Variants in CIT observed in about 807,000 individuals in gnomAD.
CIT encodes the protein citron rho-interacting serine/threonine kinase.
In CIT, 79 loss-of-function variants were observed where a neutral mutation model predicts 272.7. The observed-to-expected ratio is 0.29, with a 90% CI of 0.24 to 0.35. The LOEUF is 0.35. Among genes scored for constraint, CIT ranks in the 10% least tolerant of loss-of-function variants. CIT has a pLI of 1.00. For synonymous variants in CIT, 948 were observed against 995.6 expected, an observed-to-expected ratio of 0.95 and a Z score of 0.90; for missense variants, 1,909 against 2,618.3, an observed-to-expected ratio of 0.73 and a Z score of 5.91.
intron 24 of CIT, among the ~76,000 whole-genome samples, chr12:119,739,977 A>G (rs1386690682): frequency 6.6e-6 from 1 of 152,232 alleles, no homozygotes; most frequent in African/African-American, 2.4e-5. Context: ...TTTTACAGAC[A>G]AAGAAACAGA....
At chr12:119,820,940 T>C (rs940674479) in intron 9 of CIT, among the ~76,000 whole-genome samples, 1 of 152,102 alleles carries the variant, frequency 6.6e-6, no homozygotes, top group African/African-American at 2.4e-5. Context: ...ACTGCATTCC[T>C]GCCTGGCCCA....
rs994544786 is a variant in CIT, at chr12:119,784,799, CCTCT to C, written c.1401+157_1401+160del. Reference sequence around the variant, plus strand: ...CAACAGCAAGGCCCGAATTCATCTCCCTCTGAGCTGCTGGAGGCGCGACTTCAGC... The same window carrying C: ...CAACAGCAAGGCCCGAATTCATCTCCGAGCTGCTGGAGGCGCGACTTCAGC... On this transcript the variant is annotated intron_variant, in intron 11 of 47. Coordinates refer to ENST00000392521, the MANE Select transcript of CIT (RefSeq NM_001206999.2). This position sits in a 1 kb window ranked among gnomAD's most constrained non-coding sequence, Gnocchi z 4.7. The C allele has an allele frequency of 1.1e-5, 16 of 1,441,876 alleles. No homozygotes were observed. 89.3% of individuals were successfully genotyped at this position (1,441,876 alleles called of 1,614,324 possible).
rs1447485157 is a variant in CIT at position 119,784,193 on chromosome 12, G to A, written c.1402-142C>T. The A allele has an allele frequency of 2.5e-6, 4 of 1,607,452 alleles. No homozygotes were observed. The highest frequency in any genetic ancestry group is 3.4e-6 in the Non-Finnish European group (4 of 1,176,262). On this transcript the variant is annotated intron_variant, in intron 11 of 47. Transcript: ENST00000392521. The surrounding 1 kb of genome is among the most constrained non-coding windows in gnomAD (Gnocchi z 4.7). ...GTTAAGTTGGGATGGAAATACCATT[G>A]TTTCTTCGCCCAGGAGCGCACAGTT...
rs115192376 is a variant in CIT, at chr12:119,863,363, G to A, written c.239-5665C>T. ...ACAACAGACATTGGAGCCTACTAGA[G>A]GACAGAGGGTGGGAGGAGGGAGACA... On this transcript the variant is annotated intron_variant, in intron 3 of 47. Transcript: ENST00000392521. Among the ~76,000 whole-genome samples, 1,482 of 152,092 alleles carry A rather than the reference G, an allele frequency of 9.7e-3. 22 individuals carry two copies. The highest frequency in any genetic ancestry group is 0.033 in the African/African-American group (1,389 of 41,476).
chr12:119,794,708 G>A (rs939590573), intron 10 of CIT, among the ~76,000 whole-genome samples: 1 of 152,222 alleles, frequency 6.6e-6, no homozygotes, highest in Non-Finnish European at 1.5e-5. Context: ...CGTGGAGCTG[G>A]ATTCTCTCAA....
chr12:119,779,638 G>A lies in CIT; in HGVS notation c.1666-2796C>T, dbSNP rs114434727. 4.1e-3 allele frequency among the ~76,000 whole-genome samples: 630 copies of A among 152,134 alleles called. 3 individuals carry two copies. Among genetic ancestry groups the A allele is most frequent in the African/African-American group, 0.015 (604 of 41,502 alleles). Reference sequence around the variant, plus strand: ...CACTTTTCTTTCTTGAATTTATGTCGGCGAGAAGGGAATGTAATTTTTGTG... The same window carrying A: ...CACTTTTCTTTCTTGAATTTATGTCAGCGAGAAGGGAATGTAATTTTTGTG... On this transcript the variant is annotated intron_variant, in intron 13 of 47. Transcript: ENST00000392521.
chr12:119,876,757 G>A (rs1211686039), intron 1 of CIT, among the ~76,000 whole-genome samples: 2 of 152,136 alleles, frequency 1.3e-5, no homozygotes, highest in African/African-American at 4.8e-5. Context: ...AAACAGCCAA[G>A]CCAAAAGCAC....
Position 119,825,269 on chromosome 12 carries a change from C to T in CIT, c.853G>A (p.Asp285Asn). 6.2e-7 allele frequency: 1 copy of T among 1,614,196 alleles called. No homozygotes were observed. Among genetic ancestry groups the T allele is most frequent in the Non-Finnish European group, 8.5e-7 (1 of 1,180,038 alleles). Residue 285 changes from aspartate (D) to asparagine (N), a missense_variant, in exon 8 of 48, where the codon GAC becomes AAC. Physicochemically the swap from Asp to Asn is conservative, Grantham distance 23 (BLOSUM62 1). Around this residue, in one of 8 missense-constraint regions of CIT, gnomAD observed 529 missense variants for 549.6 expected, o/e 0.96. Transcript: ENST00000392521. ...GCAATCACGCCCACTGACCACCAGTCACAGTCCAGGCCGTAGGTGCCTTTT... is the reference window on the plus strand; with the variant it reads ...GCAATCACGCCCACTGACCACCAGTTACAGTCCAGGCCGTAGGTGCCTTTT... Reference protein sequence around the residue: ...DGKGTYGLDCDWWSVGVIAYE... With the variant: ...DGKGTYGLDCNWWSVGVIAYE...
intron 15 of CIT, 102 bp from the exon 16 acceptor site, chr12:119,775,941 T>C: frequency 1.1e-6 from 1 of 872,226 alleles, no homozygotes; most frequent in Non-Finnish European, 1.8e-6. Context: ...ATGGGGTCTT[T>C]TTCTTTGGGT....
intron 10 of CIT, among the ~76,000 whole-genome samples, chr12:119,797,159 C>T (rs1052637981): frequency 1.3e-5 from 2 of 152,240 alleles, no homozygotes; most frequent in Non-Finnish European, 2.9e-5. Context: ...CAATGACTGT[C>T]TTCTTAAGGG....
chr12:119,871,079 A>C (rs1443773617), intron 2 of CIT, among the ~76,000 whole-genome samples: 1 of 151,090 alleles, frequency 6.6e-6, no homozygotes, highest in African/African-American at 2.4e-5. Flanking sequence ...AGATCGTGCC[A>C]CTGCACTCCA....
chr12:119,698,583 C>G (rs972392757), intron 44 of CIT, among the ~76,000 whole-genome samples: 2 of 99,292 alleles, frequency 2.0e-5, no homozygotes, highest in Non-Finnish European at 4.3e-5. Context: ...GAGGGAGACT[C>G]TGTCTCAAAA....
rs1957678246 is a variant in CIT at position 119,718,723 on chromosome 12, C to T, written c.3979G>A (p.Glu1327Lys). Residue 1327 changes from glutamate to lysine, a missense_variant, in exon 31 of 48, where the codon GAG (glutamate) becomes AAG (lysine). By Grantham distance (56) the Glu-to-Lys change is moderately conservative. This residue lies in a region of CIT where 780 missense variants were observed against 1,067.2 expected (regional missense o/e 0.73). Coordinates refer to ENST00000392521, the MANE Select transcript of CIT (RefSeq NM_001206999.2). This position sits in a 1 kb window ranked among gnomAD's most constrained non-coding sequence, Gnocchi z 4.8. ...LEEALQKTRI[E>K]LRSAREEAAH... ...CCTTCCTCCCGGGCGGACCGGAGCT[C>T]GATGCGGGTCTTCTGAAGGGCTTCC... 1 of 1,613,590 alleles carries T rather than the reference C, an allele frequency of 6.2e-7. No homozygotes were observed. The highest frequency in any genetic ancestry group is 1.1e-5 in the South Asian group (1 of 91,066).
At position 119,776,845 on chromosome 12, in the gene CIT, A is replaced by C. The variant is rs1221704567; in HGVS notation, c.1666-3T>G. 1 of 1,613,466 alleles carries C rather than the reference A, an allele frequency of 6.2e-7. No homozygotes were observed. Among genetic ancestry groups the C allele is most frequent in the Non-Finnish European group, 8.5e-7 (1 of 1,179,944 alleles). The stretch of plus-strand genomic sequence containing the variant: ...TCTTCCACTTGAGCCTGGTACTCCT[A>C]AAGAGCAGGCAATGAAATAAAAGAG... On this transcript the variant is annotated splice_polypyrimidine_tract_variant and splice_region_variant and intron_variant, in intron 13 of 47. Transcript: ENST00000392521.
intron 9 of CIT, among the ~76,000 whole-genome samples, chr12:119,820,773 C>A (rs1967634750): frequency 6.6e-6 from 1 of 151,784 alleles, no homozygotes; most frequent in African/African-American, 2.4e-5. Context: ...GAGTTCAAGA[C>A]CAGCCTGGGC....
At chr12:119,787,264 A>G (rs919969595) in intron 10 of CIT, among the ~76,000 whole-genome samples, 2 of 152,016 alleles carry the variant, frequency 1.3e-5, no homozygotes, top group Non-Finnish European at 2.9e-5. Flanking sequence ...AGCCGTCTCT[A>G]TAAAAAATGT....
chr12:119,772,646 G>C (rs1963296838), intron 17 of CIT, 124 bp downstream of exon 17: 4 of 1,090,044 alleles, frequency 3.7e-6, no homozygotes, highest in Non-Finnish European at 5.0e-6. Context: ...AGGTTTCAAA[G>C]GGATCTTCAG....
Position 119,718,575 on chromosome 12 carries a change from C to G in CIT, c.4003+124G>C. 7.0e-7 allele frequency: 1 copy of G among 1,426,924 alleles called. No homozygotes were observed. Among genetic ancestry groups the G allele is most frequent in the Non-Finnish European group, 9.6e-7 (1 of 1,041,506 alleles). The allele number at this position is 1,426,924 out of a possible 1,614,324, so 88.4% of individuals were successfully genotyped here. On this transcript the variant is annotated intron_variant, in intron 31 of 47. Transcript: ENST00000392521. This position sits in a 1 kb window ranked among gnomAD's most constrained non-coding sequence, Gnocchi z 4.8. ...CATACGTTTTTCAGACATGGGATGT[C>G]TGGTCTGAAAGCGTATGGGCCATAA...
intron 5 of CIT, among the ~76,000 whole-genome samples, chr12:119,847,486 C>T (rs901085512): frequency 1.3e-5 from 2 of 152,024 alleles, no homozygotes; most frequent in African/African-American, 4.8e-5. Context: ...CCCAGCTACA[C>T]AGGAGGCTAA....
Sources: gnomAD v4.1 joint callset for allele counts (sites outside exome capture counted in the v4.1 genomes callset) on GRCh38, gnomAD v4.1.1 for gene constraint, gnomAD v4.1.1 regional missense constraint, Gnocchi (gnomAD v3.1) non-coding constraint, MANE v1.5 for transcripts, NCBI Gene and HGNC (gene_info 2026-07-23, HGNC 2026-07-21) for gene names.